Variants in ADAMTS3 observed in about 807,000 individuals in gnomAD.
ADAMTS3 encodes the protein A disintegrin and metalloproteinase with thrombospondin motifs 3.
A neutral mutation model predicts 129.0 loss-of-function variants in ADAMTS3; 73 were observed. The ratio of observed to expected loss-of-function variants is 0.57; its 90% CI spans 0.47 to 0.69. The LOEUF (loss-of-function observed/expected upper bound fraction) is 0.69. Ranked by LOEUF, ADAMTS3 falls within the 30% of genes least tolerant of loss-of-function variation. ADAMTS3 has a pLI of 0.00. For missense variants in ADAMTS3, 1,457 were observed against 1,514.5 expected, an observed-to-expected ratio of 0.96 and a Z score of 0.63; for synonymous variants, 477 against 510.8, an observed-to-expected ratio of 0.93 and a Z score of 0.89.
At chr4:72,526,596 G>GTGTGTA (rs1382723252) in intron 3 of ADAMTS3, among the ~76,000 whole-genome samples, 1 of 148,960 alleles carries the variant, frequency 6.7e-6, no homozygotes, top group African/African-American at 2.5e-5. Flanking sequence ...GTGTGTGTGT[G>GTGTGTA]TGTGTGTGTA....
intron 2 of ADAMTS3, among the ~76,000 whole-genome samples, chr4:72,551,800 C>T (rs1721651991): frequency 6.6e-6 from 1 of 152,178 alleles, no homozygotes; most frequent in South Asian, 2.1e-4. Context: ...ATCATTTTGA[C>T]TCTGAAGACC....
At chr4:72,444,490 C>A (rs1718201160) in intron 3 of ADAMTS3, among the ~76,000 whole-genome samples, 1 of 151,712 alleles carries the variant, frequency 6.6e-6, no homozygotes, top group Non-Finnish European at 1.5e-5. Flanking sequence ...ATGTGAATTT[C>A]TCTAACTTTT....
intron 4 of ADAMTS3, among the ~76,000 whole-genome samples, chr4:72,371,525 A>G (rs1046251467): frequency 2.0e-5 from 3 of 151,692 alleles, no homozygotes; most frequent in African/African-American, 7.2e-5. Context: ...TTAAAGTGAG[A>G]AGCATTACTA....
chr4:72,339,430 G>C, intron 5 of ADAMTS3, 64 bp downstream of exon 5: 1 of 1,533,992 alleles, frequency 6.5e-7, no homozygotes, highest in Non-Finnish European at 9.0e-7. Context: ...TTGCCAAAGG[G>C]TACCAACAAA....
chr4:72,530,798 A>ATATATAT (rs375522695), intron 3 of ADAMTS3, among the ~76,000 whole-genome samples: 10 of 107,144 alleles, frequency 9.3e-5, no homozygotes, highest in Admixed American at 7.1e-4. Flanking sequence ...ATTATATATT[A>ATATATAT]TATATATTAT....
At chr4:72,390,799 A>G (rs986163580) in intron 4 of ADAMTS3, among the ~76,000 whole-genome samples, 1 of 152,118 alleles carries the variant, frequency 6.6e-6, no homozygotes, top group Admixed American at 6.5e-5. Context: ...AGCTATTTTA[A>G]AAACAAAAAT....
At position 72,559,404 on chromosome 4, in the gene ADAMTS3, C is replaced by G. The variant is rs1181829218; in HGVS notation, c.97+7970G>C. Among the ~76,000 whole-genome samples, 6 of 151,840 alleles carry G rather than the reference C, an allele frequency of 4.0e-5. 1 individual carries two copies. Among genetic ancestry groups the G allele is most frequent in the African/African-American group, 1.5e-4 (6 of 41,080 alleles). ...CACCATTCCTTTCTCAACTCCCTCT[C>G]TCTACTGCTATATTACAATTAATTA... On this transcript the variant is annotated intron_variant, in intron 2 of 21. Coordinates refer to ENST00000286657, the MANE Select transcript of ADAMTS3 (RefSeq NM_014243.3).
chr4:72,484,314 T>G (rs1719519922), intron 3 of ADAMTS3, among the ~76,000 whole-genome samples: 1 of 152,224 alleles, frequency 6.6e-6, no homozygotes, highest in Admixed American at 6.5e-5. Flanking sequence ...GCCTTCCTTT[T>G]TTCTTTTAAA....
In ADAMTS3 at chr4:72,450,804, G is replaced by A. The variant is rs73825407; in HGVS notation, c.505-35833C>T. Among the ~76,000 whole-genome samples, 965 of 151,574 alleles carry A rather than the reference G, an allele frequency of 6.4e-3. 15 individuals carry two copies. Among genetic ancestry groups the A allele is most frequent in the African/African-American group, 0.022 (926 of 41,392 alleles). ...TGTCTTGCTAGAAAGGCCTTCAAGA[G>A]AGTACCAAGAGGAGAAACCAAATAT... is the stretch of plus-strand genomic sequence containing the variant. On this transcript the variant is annotated intron_variant, in intron 3 of 21. Transcript: ENST00000286657.
In ADAMTS3 at chr4:72,283,042, A is replaced by G; in HGVS notation, c.*94T>C. The G allele has an allele frequency of 1.8e-6, 2 of 1,082,270 alleles. No homozygotes were observed. Among genetic ancestry groups the G allele is most frequent in the South Asian group, 1.6e-5 (1 of 63,340 alleles). The allele number at this position is 1,082,270 out of a possible 1,614,324, so 67.0% of individuals were successfully genotyped here. A position where few individuals can be genotyped will look rare whatever the true frequency, so the allele number is the denominator to read the frequency against. On this transcript the variant is annotated 3_prime_UTR_variant, in exon 22 of 22. Coordinates refer to ENST00000286657, the MANE Select transcript of ADAMTS3 (RefSeq NM_014243.3). ...TACAGATAAAATGAGCTGACGATCT[A>G]TAGAGATTTCCACTTTAAACAAGCA...
chr4:72,474,626 A>G (rs183943525), intron 3 of ADAMTS3, among the ~76,000 whole-genome samples: 103 of 152,306 alleles, frequency 6.8e-4, no homozygotes, highest in African/African-American at 2.4e-3. Context: ...CTTCATTCAA[A>G]CTGGTAAAAT....
At position 72,568,806 on chromosome 4, in the gene ADAMTS3, C is replaced by T. The variant is rs1433426255; in HGVS notation, c.-44G>A. 1 of 1,481,704 alleles carries T rather than the reference C, an allele frequency of 6.7e-7. No individual in the cohort carries two copies. Among genetic ancestry groups the T allele is most frequent in the African/African-American group, 1.4e-5 (1 of 70,084 alleles). The allele number at this position is 1,481,704 out of a possible 1,614,324, so 91.8% of individuals were successfully genotyped here. On this transcript the variant is annotated 5_prime_UTR_variant, in exon 1 of 22. Coordinates refer to ENST00000286657, the MANE Select transcript of ADAMTS3 (RefSeq NM_014243.3). ...TCCAACTACTGGGCAAAGCAAATGC[C>T]CAGAGCAAACCCACCCCCCCCGCCC...
chr4:72,506,637 C>T lies in ADAMTS3; in HGVS notation c.504+41841G>A, dbSNP rs144904613. 1.3e-3 allele frequency among the ~76,000 whole-genome samples: 199 copies of T among 152,340 alleles called. 1 individual carries two copies. Among genetic ancestry groups the T allele is most frequent in the Non-Finnish European group, 2.0e-3 (139 of 68,036 alleles). ...AGCTCTTTCTGGTATCTTTCCCTCA[C>T]AGCATCTCTAAGCCTCTCCCTAAGT... is the stretch of plus-strand genomic sequence containing the variant. On this transcript the variant is annotated intron_variant, in intron 3 of 21. Coordinates refer to ENST00000286657, the MANE Select transcript of ADAMTS3 (RefSeq NM_014243.3).
At chr4:72,383,308 G>A (rs1361457055) in intron 4 of ADAMTS3, among the ~76,000 whole-genome samples, 3 of 152,194 alleles carry the variant, frequency 2.0e-5, no homozygotes, top group Non-Finnish European at 2.9e-5. Context: ...AGAAGCTAGA[G>A]AGGAGCTGTC....
intron 21 of ADAMTS3, among the ~76,000 whole-genome samples, chr4:72,286,545 A>G (rs1718509864): frequency 6.6e-6 from 1 of 152,244 alleles, no homozygotes; most frequent in South Asian, 2.1e-4. Flanking sequence ...TTGACAAGAT[A>G]GTGCTTTGCC....
In ADAMTS3 at chr4:72,282,896, T is replaced by C. The variant is rs1311542115; in HGVS notation, c.*240A>G. On this transcript the variant is annotated 3_prime_UTR_variant, in exon 22 of 22. Coordinates refer to ENST00000286657, the MANE Select transcript of ADAMTS3 (RefSeq NM_014243.3). ...CGACCAACACAATCTTAGCAACATA[T>C]TTTTCTTTTGTAATAATCTTTGGTG... The C allele has an allele frequency of 5.4e-6, 2 of 372,318 alleles. No homozygotes were observed. The highest frequency in any genetic ancestry group is 4.2e-5 in the African/African-American group (2 of 48,188). The allele number at this position is 372,318 out of a possible 1,614,324, so 23.1% of individuals were successfully genotyped here. A position where few individuals can be genotyped will look rare whatever the true frequency, so the allele number is the denominator to read the frequency against.
intron 3 of ADAMTS3, among the ~76,000 whole-genome samples, chr4:72,502,689 G>C (rs1452657349): frequency 2.6e-5 from 4 of 152,188 alleles, no homozygotes; most frequent in Middle Eastern, 3.4e-3. Context: ...TAAGTTCAAT[G>C]TTAGATCATT....
Position 72,399,219 on chromosome 4 carries a change from C to T in ADAMTS3, c.661+15596G>A, listed in dbSNP as rs573609893. The stretch of plus-strand genomic sequence containing the variant: ...CTTTGGTGGGAGGATTGCTTGAGAC[C>T]GGGAGTTTGAGACCAGCCTGGGCAA... On this transcript the variant is annotated intron_variant, in intron 4 of 21. Transcript: ENST00000286657. Among the ~76,000 whole-genome samples, 12 of 152,108 alleles carry T rather than the reference C, an allele frequency of 7.9e-5. No individual in the cohort carries two copies. The East Asian group carries it at 1.5e-3, about 20-fold the overall frequency.
chr4:72,384,594 G>A (rs987777713), intron 4 of ADAMTS3, among the ~76,000 whole-genome samples: 4 of 151,922 alleles, frequency 2.6e-5, no homozygotes, highest in Admixed American at 2.6e-4. Context: ...TTTCAAAAAG[G>A]TAGATCACAT....
Sources: gnomAD v4.1 joint callset for allele counts (sites outside exome capture counted in the v4.1 genomes callset) on GRCh38, gnomAD v4.1.1 for gene constraint, MANE v1.5 for transcripts, NCBI Gene and HGNC (gene_info 2026-07-23, HGNC 2026-07-21) for gene names.